PHACTR3: variants seen among roughly 807,000 people sequenced by gnomAD.
PHACTR3 encodes the protein protein phosphatase 1, regulatory subunit 123.
In PHACTR3, 16 loss-of-function variants were observed where a neutral mutation model predicts 66.8. The observed-to-expected ratio is 0.24, with a 90% CI of 0.16 to 0.36. The LOEUF (loss-of-function observed/expected upper bound fraction) is 0.36, where lower values mean the gene tolerates loss of function less well. PHACTR3 is among the 10% of genes least tolerant of loss of function. PHACTR3 has a pLI of 1.00. For synonymous variants in PHACTR3, 323 were observed against 292.1 expected (o/e 1.11, Z -1.08); for missense variants, 647 against 719.9 (o/e 0.90, Z 1.16).
At position 59,685,474 on chromosome 20, in the gene PHACTR3, C is replaced by G. The variant is rs11696725; in HGVS notation, c.119-57633C>G. ...GTAAGATGGTGGTGTTGAAAGGACC[C>G]GTCTGGTAGGGTTGTTCTGAAGGTT... On this transcript the variant is annotated intron_variant, in intron 1 of 12. Coordinates refer to ENST00000371015, the MANE Select transcript of PHACTR3 (RefSeq NM_080672.5). Among the ~76,000 whole-genome samples the G allele has an allele frequency of 9.4e-3, 1,425 of 152,260 alleles. 22 individuals carry two copies. Among genetic ancestry groups the G allele is most frequent in the African/African-American group, 0.033 (1,356 of 41,552 alleles).
chr20:59,684,892 C>T (rs749225461), intron 1 of PHACTR3, among the ~76,000 whole-genome samples: 2 of 152,202 alleles, frequency 1.3e-5, no homozygotes, highest in African/African-American at 2.4e-5. Flanking sequence ...TTCCATGGCC[C>T]AGCATGTCCC....
At chr20:59,744,169 C>T (rs1199085143) in intron 2 of PHACTR3, among the ~76,000 whole-genome samples, 3 of 152,274 alleles carry the variant, frequency 2.0e-5, no homozygotes, top group Non-Finnish European at 4.4e-5. Flanking sequence ...TAGGCCAGCA[C>T]TCCCGCAGGA....
chr20:59,657,606 C>A (rs1347581876), intron 1 of PHACTR3, among the ~76,000 whole-genome samples: 1 of 152,118 alleles, frequency 6.6e-6, no homozygotes, highest in Non-Finnish European at 1.5e-5. Flanking sequence ...TTTTCTCCTT[C>A]AGCACTTTGA....
chr20:59,774,526 C>T (rs778411853), intron 7 of PHACTR3, 36 bp downstream of exon 7: 16 of 1,599,688 alleles, frequency 1.0e-5, no homozygotes, highest in East Asian at 8.9e-5. Flanking sequence ...GTGGGGATCT[C>T]GGCCAGAGGT....
At chr20:59,610,953 G>A (rs1157745781) in intron 1 of PHACTR3, among the ~76,000 whole-genome samples, 3 of 152,252 alleles carry the variant, frequency 2.0e-5, no homozygotes, top group Admixed American at 1.3e-4. Flanking sequence ...TATCCACACA[G>A]AACTCATTTA....
intron 1 of PHACTR3, among the ~76,000 whole-genome samples, chr20:59,590,361 A>G (rs1479744157): frequency 3.9e-5 from 6 of 152,140 alleles, no homozygotes; most frequent in Non-Finnish European, 8.8e-5. Context: ...TCTCTGGAGT[A>G]GATGACAAGA....
At chr20:59,620,183 A>G (rs1173861268) in intron 1 of PHACTR3, among the ~76,000 whole-genome samples, 11 of 152,172 alleles carry the variant, frequency 7.2e-5, no homozygotes, top group Admixed American at 7.2e-4. Flanking sequence ...GCATTTTTAA[A>G]CTTTTCGCTT....
intron 8 of PHACTR3, among the ~76,000 whole-genome samples, chr20:59,813,045 T>G (rs971602555): frequency 1.3e-5 from 2 of 152,218 alleles, no homozygotes; most frequent in Non-Finnish European, 2.9e-5. Context: ...GATGATACAC[T>G]ATAGCTAAAG....
In PHACTR3 at chr20:59,736,339, G is replaced by A. The variant is rs1347523842; in HGVS notation, c.119-6768G>A. Among the ~76,000 whole-genome samples the A allele has an allele frequency of 6.6e-6, 1 of 152,080 alleles. No individual in the cohort carries two copies. The highest frequency in any genetic ancestry group is 1.5e-5 in the Non-Finnish European group (1 of 68,010). ...TTCCAGAGTCTCTCCAGTGTGAGAA[G>A]GCAGTTCCTCAGGAACTGCAGGGAG... On this transcript the variant is annotated intron_variant, in intron 1 of 12. Coordinates refer to ENST00000371015, the MANE Select transcript of PHACTR3 (RefSeq NM_080672.5). This position sits in a 1 kb window ranked among gnomAD's most constrained non-coding sequence, Gnocchi z 4.6.
chr20:59,784,065 A>C (rs2040821413), intron 7 of PHACTR3, among the ~76,000 whole-genome samples: 1 of 152,088 alleles, frequency 6.6e-6, no homozygotes, highest in African/African-American at 2.4e-5. Context: ...TATTTTGTAG[A>C]TGTGGTTGTC....
chr20:59,813,283 C>T (rs1486308456), intron 8 of PHACTR3, among the ~76,000 whole-genome samples: 3 of 152,232 alleles, frequency 2.0e-5, no homozygotes, highest in Non-Finnish European at 4.4e-5. Context: ...CTGCCGCAAG[C>T]GCTGACGGTT....
intron 1 of PHACTR3, among the ~76,000 whole-genome samples, chr20:59,681,977 C>T (rs2036670272): frequency 6.7e-6 from 1 of 150,240 alleles, no homozygotes; most frequent in African/African-American, 2.5e-5. Flanking sequence ...GCCATTGCAC[C>T]CCAGACTGGG....
In PHACTR3 at chr20:59,668,152, G is replaced by A. The variant is rs562209833; in HGVS notation, c.118+63020G>A. On this transcript the variant is annotated intron_variant, in intron 1 of 12. Transcript: ENST00000371015. ...CGTATGCCTGTACGGGCTTAGAGGT[G>A]GGCACATACACCTGTACGGGGTTAG... Among the ~76,000 whole-genome samples the A allele has an allele frequency of 6.6e-5, 10 of 152,168 alleles. No individual in the cohort carries two copies. In the East Asian group the frequency reaches 1.6e-3, roughly 24 times the overall value.
At chr20:59,609,837 G>T (rs973745276) in intron 1 of PHACTR3, among the ~76,000 whole-genome samples, 1 of 152,154 alleles carries the variant, frequency 6.6e-6, no homozygotes, top group African/African-American at 2.4e-5. Context: ...TACCTTGTCA[G>T]CTTCTTCAGG....
intron 6 of PHACTR3, among the ~76,000 whole-genome samples, chr20:59,773,655 G>A (rs146831895): frequency 3.2e-4 from 49 of 152,344 alleles, no homozygotes; most frequent in African/African-American, 8.4e-4. Context: ...ATTCTGGGAC[G>A]GGGTGCACAG....
In PHACTR3 at chr20:59,666,540, T is replaced by TAG. The variant is rs35155368; in HGVS notation, c.118+61420_118+61421dup. On this transcript the variant is annotated intron_variant, in intron 1 of 12. Coordinates refer to ENST00000371015, the MANE Select transcript of PHACTR3 (RefSeq NM_080672.5). ...AGGAAGAGAGAGACAGAGACAGAGG[T>TAG]AGAGAGAGAGAGACAAAGAGAGACA... Among the ~76,000 whole-genome samples, 33 of 147,716 alleles carry TAG rather than the reference T, an allele frequency of 2.2e-4. No homozygotes were observed. The South Asian group carries it at 5.6e-3, about 25-fold the overall frequency.
At chr20:59,633,233 A>C (rs1319693702) in intron 1 of PHACTR3, among the ~76,000 whole-genome samples, 2 of 152,234 alleles carry the variant, frequency 1.3e-5, no homozygotes, top group African/African-American at 4.8e-5. Context: ...TAACAATAGC[A>C]AAGACATGGA....
Position 59,632,091 on chromosome 20 carries a change from C to T in PHACTR3, c.118+26959C>T, listed in dbSNP as rs375635288. ...ACTGTATCATCTGGGCTGTGGCTGG[C>T]GGCCTCTCGTCTAATGCTACCACAT... On this transcript the variant is annotated intron_variant, in intron 1 of 12. Coordinates refer to ENST00000371015, the MANE Select transcript of PHACTR3 (RefSeq NM_080672.5). 4.9e-4 allele frequency among the ~76,000 whole-genome samples: 75 copies of T among 152,266 alleles called. 1 individual carries two copies. Among genetic ancestry groups the T allele is most frequent in the African/African-American group, 1.7e-3 (69 of 41,536 alleles).
At chr20:59,680,623 C>T (rs1003632935) in intron 1 of PHACTR3, among the ~76,000 whole-genome samples, 17 of 152,130 alleles carry the variant, frequency 1.1e-4, no homozygotes, top group African/African-American at 2.7e-4. Flanking sequence ...TTGAATGCGG[C>T]GCAACACAAA....
Sources: gnomAD v4.1 joint callset for allele counts (sites outside exome capture counted in the v4.1 genomes callset) on GRCh38, gnomAD v4.1.1 for gene constraint, Gnocchi (gnomAD v3.1) non-coding constraint, MANE v1.5 for transcripts, NCBI Gene and HGNC (gene_info 2026-07-23, HGNC 2026-07-21) for gene names.